Variants in MCTP2 observed in about 807,000 individuals in gnomAD.
The protein encoded by MCTP2 is multiple C2 and transmembrane domain-containing protein 2.
MCTP2 carries 132 observed loss-of-function variants against 111.6 expected under a neutral mutation model. The ratio of observed to expected loss-of-function variants is 1.18; its 90% CI spans 1.03 to 1.37. The LOEUF (loss-of-function observed/expected upper bound fraction) is 1.37. Ranked by LOEUF, MCTP2 falls within the 40% of genes most tolerant of loss-of-function variation. MCTP2 has a pLI of 0.00. For missense variants in MCTP2, 1,183 were observed against 1,067.9 expected (o/e 1.11, Z -1.50); for synonymous variants, 395 against 387.7 (o/e 1.02, Z -0.22).
chr15:94,441,051 T>A (rs1436190521), intron 18 of MCTP2, among the ~76,000 whole-genome samples: 1 of 152,206 alleles, frequency 6.6e-6, no homozygotes, highest in African/African-American at 2.4e-5. Flanking sequence ...ACCAAGTTTT[T>A]AAAACAAAAA....
chr15:94,380,639 G>A (rs113168447), intron 12 of MCTP2, among the ~76,000 whole-genome samples: 24 of 152,006 alleles, frequency 1.6e-4, no homozygotes, highest in Middle Eastern at 3.4e-3. Context: ...GTGGTGGCAC[G>A]TGCCTATAAT....
intron 2 of MCTP2, 38 bp downstream of exon 2, chr15:94,298,768 C>G (rs768916015): frequency 3.0e-6 from 4 of 1,324,236 alleles, no homozygotes; most frequent in Non-Finnish European, 4.1e-6. Context: ...TTTTGTCTCT[C>G]TCTCTCTCTC....
At chr15:94,392,859 G>T (rs952436438) in intron 14 of MCTP2, among the ~76,000 whole-genome samples, 1 of 151,636 alleles carries the variant, frequency 6.6e-6, no homozygotes, top group African/African-American at 2.4e-5. Flanking sequence ...AAAAAACTTG[G>T]AGAAAAAATA....
At chr15:94,445,444 A>G (rs1382448226) in intron 19 of MCTP2, among the ~76,000 whole-genome samples, 2 of 152,070 alleles carry the variant, frequency 1.3e-5, no homozygotes, top group Non-Finnish European at 2.9e-5. Flanking sequence ...CAACCCTTCT[A>G]TTGTTAGGAA....
chr15:94,403,597 G>A (rs1329692399), intron 17 of MCTP2, among the ~76,000 whole-genome samples: 1 of 152,198 alleles, frequency 6.6e-6, no homozygotes, highest in Non-Finnish European at 1.5e-5. Context: ...TGATTAATGG[G>A]CTGCTGGCTT....
At chr15:94,284,195 CTCTT>C (rs1200207935) in intron 1 of MCTP2, among the ~76,000 whole-genome samples, 28 of 152,184 alleles carry the variant, frequency 1.8e-4, no homozygotes, top group African/African-American at 6.5e-4. Flanking sequence ...GGATAAGTCT[CTCTT>C]GTGGAATATT....
intron 17 of MCTP2, among the ~76,000 whole-genome samples, chr15:94,414,984 A>G (rs2082309801): frequency 6.6e-6 from 1 of 152,116 alleles, no homozygotes. Context: ...TTTTTGCTTG[A>G]CTGCAGTCCA....
intron 20 of MCTP2, among the ~76,000 whole-genome samples, chr15:94,467,921 T>TAATAAAGAAGGGAGAA (rs1393077062): frequency 1.3e-5 from 2 of 152,118 alleles, no homozygotes; most frequent in Non-Finnish European, 2.9e-5. Flanking sequence ...AAAGATAGCA[T>TAATAAAGAAGGGAGAA]AATAAAGAAG....
At chr15:94,398,053 T>C (rs1197744190) in intron 14 of MCTP2, among the ~76,000 whole-genome samples, 1 of 152,184 alleles carries the variant, frequency 6.6e-6, no homozygotes, top group Non-Finnish European at 1.5e-5. Flanking sequence ...TCCAAAATCA[T>C]ACTGAAAATG....
At chr15:94,316,730 T>A (rs946201867) in intron 4 of MCTP2, among the ~76,000 whole-genome samples, 1 of 152,212 alleles carries the variant, frequency 6.6e-6, no homozygotes, top group African/African-American at 2.4e-5. Flanking sequence ...CTTTTGTCCT[T>A]TAGAAGTTTT....
At position 94,367,798 on chromosome 15, in the gene MCTP2, G is replaced by A. The variant is rs1194277557; in HGVS notation, c.1488+7G>A. ...GCAGATTACCCAGCGATATGTGAGT[G>A]TTTTTCCTTATTGTACACTCCCCCT... On this transcript the variant is annotated splice_region_variant and intron_variant, in intron 11 of 22. Coordinates refer to ENST00000357742, the MANE Select transcript of MCTP2 (RefSeq NM_001385001.1). 10 of 1,593,028 alleles carry A rather than the reference G, an allele frequency of 6.3e-6. 1 individual carries two copies. Among genetic ancestry groups the A allele is most frequent in the South Asian group, 3.4e-5 (3 of 87,776 alleles).
chr15:94,384,067 T>G lies in MCTP2; in HGVS notation c.1628T>G (p.Leu543Arg), dbSNP rs1188928755. The G allele has an allele frequency of 1.9e-6, 3 of 1,613,984 alleles. No homozygotes were observed. The highest frequency in any genetic ancestry group is 1.7e-5 in the Admixed American group (1 of 60,016). The change falls in exon 13 of 23, where the codon CTT (leucine) becomes CGT (arginine). Residue 543 changes from leucine (L) to arginine (R), a missense_variant. Leu to Arg is a moderately radical substitution (Grantham distance 102). Coordinates refer to ENST00000357742, the MANE Select transcript of MCTP2 (RefSeq NM_001385001.1). ...FCLLELGNDR[L>R]QTHTVYKNLN... is the part of the protein sequence containing the mutation. Reference sequence around the variant, plus strand: ...TTGTTGGAGTTAGGCAATGACCGACTTCAGACGCATACCGTCTACAAAAAC... The same window carrying G: ...TTGTTGGAGTTAGGCAATGACCGACGTCAGACGCATACCGTCTACAAAAAC...
intron 20 of MCTP2, among the ~76,000 whole-genome samples, chr15:94,467,333 C>T (rs545479280): frequency 3.3e-4 from 50 of 152,054 alleles, no homozygotes; most frequent in Non-Finnish European, 5.9e-4. Context: ...TCCACTGTGT[C>T]TCCACTTTAA....
chr15:94,242,950 CACATATACACGTGTATATGTGTATCTACA>C (rs2071101565), intron 1 of MCTP2, among the ~76,000 whole-genome samples: 1 of 82,212 alleles, frequency 1.2e-5, no homozygotes, highest in Non-Finnish European at 2.8e-5. Flanking sequence ...TATGTAGATA[CACATATACACGTGTATATGTGTATCTACA>C]CATACACGTG....
chr15:94,253,338 T>C (rs2072563544), intron 1 of MCTP2, among the ~76,000 whole-genome samples: 1 of 152,200 alleles, frequency 6.6e-6, no homozygotes, highest in Admixed American at 6.5e-5. Flanking sequence ...CTCTTGCTCC[T>C]CTTTCCCTGT....
chr15:94,243,805 A>G (rs532458958), intron 1 of MCTP2, among the ~76,000 whole-genome samples: 5 of 147,498 alleles, frequency 3.4e-5, no homozygotes, highest in South Asian at 2.1e-4. Flanking sequence ...ACATATGCGT[A>G]TATACATATA....
chr15:94,324,452 TG>T (rs1322931690), intron 4 of MCTP2, among the ~76,000 whole-genome samples: 2 of 152,232 alleles, frequency 1.3e-5, no homozygotes, highest in African/African-American at 4.8e-5. Flanking sequence ...GAAAAGTTAA[TG>T]GAAGTTCGCT....
At position 94,298,745 on chromosome 15, in the gene MCTP2, G is replaced by C. The variant is rs1318999860; in HGVS notation, c.465+15G>C. On this transcript the variant is annotated intron_variant, in intron 2 of 22. Transcript: ENST00000357742. ...AAGAGCCAGAGGTGAGAATAGGGCTGGGCTCTCTTTTTTTTTGTCTCTCTC... is the reference window on the plus strand; with the variant it reads ...AAGAGCCAGAGGTGAGAATAGGGCTCGGCTCTCTTTTTTTTTGTCTCTCTC... The C allele has an allele frequency of 1.3e-6, 2 of 1,524,936 alleles. No individual in the cohort carries two copies. The highest frequency in any genetic ancestry group is 1.8e-6 in the Non-Finnish European group (2 of 1,138,170). 94.5% of individuals were successfully genotyped at this position (1,524,936 alleles called of 1,614,324 possible).
intron 20 of MCTP2, among the ~76,000 whole-genome samples, chr15:94,462,057 GT>G (rs554900981): frequency 1.3e-5 from 2 of 152,198 alleles, no homozygotes; most frequent in Non-Finnish European, 2.9e-5. Context: ...AATATGACCA[GT>G]AGTTTTCATT....
Sources: allele counts gnomAD v4.1 joint callset (sites outside exome capture counted in the v4.1 genomes callset), GRCh38; gene constraint gnomAD v4.1.1; transcripts MANE v1.5; gene names NCBI Gene and HGNC (gene_info 2026-07-23, HGNC 2026-07-21).